The following KCTD8 variants were observed in gnomAD, a reference collection of about 807,000 sequenced individuals.
KCTD8 encodes the protein potassium channel tetramerization domain containing 8.
In KCTD8, 27 loss-of-function variants were observed where a neutral mutation model predicts 31.5. The ratio of observed to expected loss-of-function variants is 0.86; its 90% CI spans 0.63 to 1.18. The LOEUF (loss-of-function observed/expected upper bound fraction) is 1.18. KCTD8 is among the 50% of genes most tolerant of loss of function. The pLI is 0.00. For synonymous variants in KCTD8, 290 were observed against 280.0 expected (o/e 1.04, Z -0.36); for missense variants, 658 against 647.7 (o/e 1.02, Z -0.17).
At chr4:44,251,878 C>T (rs1484146528) in intron 1 of KCTD8, among the ~76,000 whole-genome samples, 1 of 150,672 alleles carries the variant, frequency 6.6e-6, no homozygotes, top group Admixed American at 6.6e-5. Flanking sequence ...ATTATTATTT[C>T]AATAGGTTTT....
chr4:44,234,126 C>A (rs573639387), intron 1 of KCTD8, among the ~76,000 whole-genome samples: 1 of 152,244 alleles, frequency 6.6e-6, no homozygotes, highest in African/African-American at 2.4e-5. Context: ...AACAACCCTG[C>A]AGAGAGTTAC....
At chr4:44,249,971 G>C (rs182939763) in intron 1 of KCTD8, among the ~76,000 whole-genome samples, 1 of 151,832 alleles carries the variant, frequency 6.6e-6, no homozygotes, top group East Asian at 1.9e-4. Context: ...TAAATGATGT[G>C]AAGTAACATT....
intron 1 of KCTD8, among the ~76,000 whole-genome samples, chr4:44,212,390 T>C (rs1714514929): frequency 6.6e-6 from 1 of 152,192 alleles, no homozygotes; most frequent in South Asian, 2.1e-4. Flanking sequence ...CACCCCTTAG[T>C]ATATGTGGGA....
intron 1 of KCTD8, among the ~76,000 whole-genome samples, chr4:44,290,317 A>G (rs1366341776): frequency 6.6e-6 from 1 of 152,188 alleles, no homozygotes; most frequent in Non-Finnish European, 1.5e-5. Flanking sequence ...TTCATAAAAC[A>G]AGTTCTTCTT....
At chr4:44,247,985 A>G (rs1169773445) in intron 1 of KCTD8, among the ~76,000 whole-genome samples, 1 of 151,976 alleles carries the variant, frequency 6.6e-6, no homozygotes, top group East Asian at 1.9e-4. Flanking sequence ...CTATATATCC[A>G]AAAGAATTGA....
Position 44,448,634 on chromosome 4 carries a change from G to C in KCTD8, c.-111C>G, listed in dbSNP as rs1321779418. ...GGCGCTCTGCGCCCTCGGACTGGGCGGCGCGTTCCTCCGACCGGGGCGGCC... is the reference window on the plus strand; with the variant it reads ...GGCGCTCTGCGCCCTCGGACTGGGCCGCGCGTTCCTCCGACCGGGGCGGCC... On this transcript the variant is annotated 5_prime_UTR_variant, in exon 1 of 2. Coordinates refer to ENST00000360029, the MANE Select transcript of KCTD8 (RefSeq NM_198353.3). This position sits in a 1 kb window ranked among gnomAD's most constrained non-coding sequence, Gnocchi z 4.1. 5.1e-6 allele frequency: 6 copies of C among 1,177,584 alleles called. No individual in the cohort carries two copies. The highest frequency in any genetic ancestry group is 3.2e-5 in the East Asian group (1 of 31,334). The allele number at this position is 1,177,584 out of a possible 1,614,324, so 72.9% of individuals were successfully genotyped here. A position where few individuals can be genotyped will look rare whatever the true frequency, so the allele number is the denominator to read the frequency against.
intron 1 of KCTD8, among the ~76,000 whole-genome samples, chr4:44,403,830 G>A (rs1261914444): frequency 1.3e-5 from 2 of 151,800 alleles, no homozygotes; most frequent in East Asian, 3.9e-4. Flanking sequence ...GCCAAAAAAT[G>A]TAATGTAAAG....
chr4:44,413,695 G>T (rs1721009859), intron 1 of KCTD8, among the ~76,000 whole-genome samples: 1 of 152,164 alleles, frequency 6.6e-6, no homozygotes, highest in Non-Finnish European at 1.5e-5. Context: ...CTAGATGGTT[G>T]TAGTAGGCAG....
chr4:44,269,903 G>A (rs1279475691), intron 1 of KCTD8, among the ~76,000 whole-genome samples: 1 of 152,168 alleles, frequency 6.6e-6, no homozygotes, highest in East Asian at 1.9e-4. Context: ...ACATGCTGGA[G>A]AGGATGTGGA....
chr4:44,214,492 T>C (rs1280310436), intron 1 of KCTD8, among the ~76,000 whole-genome samples: 1 of 152,236 alleles, frequency 6.6e-6, no homozygotes, highest in Non-Finnish European at 1.5e-5. Flanking sequence ...AGAACAATGA[T>C]ACACAGCTTT....
intron 1 of KCTD8, among the ~76,000 whole-genome samples, chr4:44,304,385 A>T (rs949866749): frequency 1.3e-5 from 2 of 152,204 alleles, no homozygotes; most frequent in African/African-American, 4.8e-5. Flanking sequence ...CATTTAAAAA[A>T]TAGTTTTCCT....
At chr4:44,366,489 ATT>A (rs1166771554) in intron 1 of KCTD8, among the ~76,000 whole-genome samples, 1 of 152,102 alleles carries the variant, frequency 6.6e-6, no homozygotes, top group Non-Finnish European at 1.5e-5. Context: ...TTCTGCTATG[ATT>A]TTAAGTGTCC....
At chr4:44,325,667 A>G (rs1281075935) in intron 1 of KCTD8, among the ~76,000 whole-genome samples, 2 of 151,922 alleles carry the variant, frequency 1.3e-5, no homozygotes, top group African/African-American at 4.8e-5. Flanking sequence ...TGATAAAATA[A>G]AATAAATATT....
chr4:44,364,969 T>C (rs1332509515), intron 1 of KCTD8, among the ~76,000 whole-genome samples: 1 of 152,002 alleles, frequency 6.6e-6, no homozygotes, highest in African/African-American at 2.4e-5. Context: ...TAAGAAACTA[T>C]TCTGTATGAA....
chr4:44,405,215 G>A (rs1720758599), intron 1 of KCTD8, among the ~76,000 whole-genome samples: 3 of 151,638 alleles, frequency 2.0e-5, no homozygotes, highest in Non-Finnish European at 2.9e-5. Flanking sequence ...TCTTATTAAG[G>A]GACAAAGCTT....
chr4:44,424,890 G>T (rs1010636984), intron 1 of KCTD8, among the ~76,000 whole-genome samples: 1 of 151,978 alleles, frequency 6.6e-6, no homozygotes, highest in African/African-American at 2.4e-5. Context: ...TCATCTTGAA[G>T]TTCTAATCCT....
At chr4:44,298,880 C>A (rs951965476) in intron 1 of KCTD8, among the ~76,000 whole-genome samples, 4 of 151,904 alleles carry the variant, frequency 2.6e-5, no homozygotes, top group African/African-American at 9.7e-5. Flanking sequence ...AATGAACAGA[C>A]CTTTTGAAAA....
chr4:44,380,672 C>A (rs992604244), intron 1 of KCTD8, among the ~76,000 whole-genome samples: 32 of 152,024 alleles, frequency 2.1e-4, no homozygotes, highest in African/African-American at 7.2e-4. Context: ...TTCACATCTG[C>A]AATCATAAAT....
At chr4:44,343,794 A>G (rs1718966319) in intron 1 of KCTD8, among the ~76,000 whole-genome samples, 1 of 152,206 alleles carries the variant, frequency 6.6e-6, no homozygotes, top group Non-Finnish European at 1.5e-5. Context: ...GCTGAACAAA[A>G]TCAGTGTCTA....
Sources: gnomAD v4.1 joint callset for allele counts (sites outside exome capture counted in the v4.1 genomes callset) on GRCh38, gnomAD v4.1.1 for gene constraint, Gnocchi (gnomAD v3.1) non-coding constraint, MANE v1.5 for transcripts, NCBI Gene and HGNC (gene_info 2026-07-23, HGNC 2026-07-21) for gene names.